Variants in RSF1 observed in about 807,000 individuals in gnomAD.
RSF1 encodes the protein HBV pX-associated protein 8.
In RSF1, 13 loss-of-function variants were observed where a neutral mutation model predicts 145.2. The observed-to-expected ratio is 0.09, with a 90% CI of 0.06 to 0.14. The LOEUF is 0.14. RSF1 is among the 10% of genes least tolerant of loss of function. The pLI is 1.00. For synonymous variants in RSF1, 577 were observed against 592.6 expected (o/e 0.97, Z 0.38); for missense variants, 1,517 against 1,718.2 (o/e 0.88, Z 2.07).
At chr11:77,740,544 T>A (rs551038723) in intron 4 of RSF1, among the ~76,000 whole-genome samples, 187 bp downstream of exon 4, 22 of 152,336 alleles carry the variant, frequency 1.4e-4, no homozygotes, top group Admixed American at 9.2e-4. Context: ...ATATACTCAT[T>A]TACTTGACGA....
At chr11:77,745,614 A>G (rs971826430) in intron 3 of RSF1, among the ~76,000 whole-genome samples, 1 of 151,534 alleles carries the variant, frequency 6.6e-6, no homozygotes, top group Non-Finnish European at 1.5e-5. Context: ...AGGACTATCT[A>G]TTTTTGAAAG....
chr11:77,799,185 A>C (rs1385887249), intron 1 of RSF1, among the ~76,000 whole-genome samples: 1 of 151,986 alleles, frequency 6.6e-6, no homozygotes, highest in East Asian at 1.9e-4. Flanking sequence ...TAAAAAAATA[A>C]TAATAATAAA....
At chr11:77,743,735 C>T (rs970742940) in intron 3 of RSF1, among the ~76,000 whole-genome samples, 2 of 152,096 alleles carry the variant, frequency 1.3e-5, no homozygotes, top group Non-Finnish European at 2.9e-5. Flanking sequence ...GTTCTGGCTA[C>T]GACTTCCAGT....
At chr11:77,838,139 A>C in the RSF1 span, among the ~76,000 whole-genome samples, 1 of 152,192 alleles carries the variant, frequency 6.6e-6, no homozygotes, top group African/African-American at 2.4e-5. Flanking sequence ...ATCAGAAGTA[A>C]GACTTTCTAA....
At chr11:77,789,612 G>C (rs1948496212) in intron 1 of RSF1, among the ~76,000 whole-genome samples, 1 of 152,180 alleles carries the variant, frequency 6.6e-6, no homozygotes, top group African/African-American at 2.4e-5. Flanking sequence ...ACCAGTCTAA[G>C]CTACTACCAT....
In RSF1 at chr11:77,691,143, A is replaced by G; in HGVS notation, c.2900+16T>C. The G allele has an allele frequency of 1.2e-6, 2 of 1,606,742 alleles. No individual in the cohort carries two copies. Among genetic ancestry groups the G allele is most frequent in the Middle Eastern group, 1.7e-4 (1 of 6,044 alleles). ...TCATATTCCCAAACAAAACATTAAC[A>G]CACATATAAAAATACCTTCGTTCGG... On this transcript the variant is annotated intron_variant, in intron 9 of 15. Coordinates refer to ENST00000308488, the MANE Select transcript of RSF1 (RefSeq NM_016578.4).
rs79230907 is a variant in RSF1, at chr11:77,806,227, A to G, written c.187+14301T>C. On this transcript the variant is annotated intron_variant, in intron 1 of 15. Transcript: ENST00000308488. ...AGAGAAACTGGGGTGGGGCTCTTAGAAAAAAAAAAAGGTAAATAACAGAAA... is the reference window on the plus strand; with the variant it reads ...AGAGAAACTGGGGTGGGGCTCTTAGGAAAAAAAAAAGGTAAATAACAGAAA... Among the ~76,000 whole-genome samples the G allele has an allele frequency of 4.0e-4, 56 of 141,502 alleles. 1 individual carries two copies. Among genetic ancestry groups the G allele is most frequent in the East Asian group, 3.9e-4 (2 of 5,114 alleles). The allele number at this position is 141,502 out of a possible 152,430, so 92.8% of individuals were successfully genotyped here. A position where few individuals can be genotyped will look rare whatever the true frequency, so the allele number is the denominator to read the frequency against.
intron 5 of RSF1, among the ~76,000 whole-genome samples, chr11:77,711,126 C>A (rs1325998419): frequency 6.8e-6 from 1 of 147,616 alleles, no homozygotes; most frequent in Non-Finnish European, 1.5e-5. Context: ...CCCCCTGACC[C>A]CCACACATTT....
At chr11:77,806,341 G>A (rs561994551) in intron 1 of RSF1, among the ~76,000 whole-genome samples, 2 of 152,186 alleles carry the variant, frequency 1.3e-5, no homozygotes, top group East Asian at 3.9e-4. Context: ...CAAATAAAAA[G>A]TAATAAGCTT....
At chr11:77,682,132 A>C (rs1424597247) in intron 11 of RSF1, among the ~76,000 whole-genome samples, 2 of 152,134 alleles carry the variant, frequency 1.3e-5, no homozygotes, top group Non-Finnish European at 2.9e-5. Context: ...ACAGAAGAAA[A>C]CTTTTTATTT....
chr11:77,757,284 G>C (rs1225812725), intron 2 of RSF1, among the ~76,000 whole-genome samples: 2 of 152,174 alleles, frequency 1.3e-5, no homozygotes, highest in African/African-American at 4.8e-5. Context: ...ATTGGCAATG[G>C]ACAGAGACAA....
chr11:77,819,169 C>T (rs1269548496), intron 1 of RSF1, among the ~76,000 whole-genome samples: 1 of 152,190 alleles, frequency 6.6e-6, no homozygotes. Context: ...AGCGACCCTG[C>T]TTTCTTGGAA....
In RSF1 at chr11:77,685,159, T is replaced by C. The variant is rs762522834; in HGVS notation, c.2901A>G (p.Arg967=). 6.4e-6 allele frequency: 10 copies of C among 1,550,560 alleles called. No homozygotes were observed. Among genetic ancestry groups the C allele is most frequent in the East Asian group, 2.4e-5 (1 of 42,512 alleles). The stretch of plus-strand genomic sequence containing the variant: ...TACCAACATACACCAAGCGTTCTTT[T>C]CTTTAGGTGAAAAACAAACAAAATA... ...ALKKKERAER[R]KERLVYVGIS... The change falls in exon 10 of 16, where the codon AGA becomes AGG. Residue 967 remains arginine (R), a splice_region_variant and synonymous_variant. Coordinates refer to ENST00000308488, the MANE Select transcript of RSF1 (RefSeq NM_016578.4).
chr11:77,674,967 C>A, intron 14 of RSF1, 69 bp downstream of exon 14: 1 of 1,300,002 alleles, frequency 7.7e-7, no homozygotes, highest in South Asian at 1.4e-5. Context: ...CCATTGCACT[C>A]CAGCATGAGC....
the RSF1 span, among the ~76,000 whole-genome samples, chr11:77,858,302 C>CTTTTTT: frequency 0.011 from 780 of 69,182 alleles, 8 homozygotes; most frequent in African/African-American, 0.02. Context: ...TTAAGCAATT[C>CTTTTTT]TTTTTTTTTT....
At chr11:77,720,999 C>T (rs867237223) in intron 5 of RSF1, among the ~76,000 whole-genome samples, 2 of 152,134 alleles carry the variant, frequency 1.3e-5, no homozygotes, top group Admixed American at 6.6e-5. Context: ...ACAGTTAATA[C>T]GTTTCTCCTT....
intron 1 of RSF1, among the ~76,000 whole-genome samples, chr11:77,806,303 T>C (rs961365887): frequency 3.3e-5 from 5 of 151,766 alleles, no homozygotes; most frequent in African/African-American, 7.3e-5. Context: ...AAATAAAAAA[T>C]TGAATTTTTA....
At chr11:77,730,394 T>C (rs1021274276) in intron 4 of RSF1, among the ~76,000 whole-genome samples, 1 of 152,170 alleles carries the variant, frequency 6.6e-6, no homozygotes, top group African/African-American at 2.4e-5. Flanking sequence ...GAGGTATAAT[T>C]CACATACTGT....
intron 1 of RSF1, among the ~76,000 whole-genome samples, chr11:77,798,336 G>C (rs182315782): frequency 6.6e-6 from 1 of 151,956 alleles, no homozygotes; most frequent in South Asian, 2.1e-4. Context: ...TGTAATCCTA[G>C]CACTTTGGGA....
Sources: gnomAD v4.1 joint callset for allele counts (sites outside exome capture counted in the v4.1 genomes callset) on GRCh38, gnomAD v4.1.1 for gene constraint, MANE v1.5 for transcripts, NCBI Gene and HGNC (gene_info 2026-07-23, HGNC 2026-07-21) for gene names.